The following SH3BGRL2 variants were observed in gnomAD, a reference collection of about 807,000 sequenced individuals.
SH3BGRL2 encodes SH3 domain-binding glutamic acid-rich-like protein 2.
Under a neutral mutation model 14.8 loss-of-function variants are expected in SH3BGRL2, and 21 were observed. The observed-to-expected ratio is 1.42, with a 90% CI of 1.01 to 2.05. The LOEUF is 2.05. SH3BGRL2 is among the 30% of genes most tolerant of loss of function. The pLI is 0.00. For synonymous variants in SH3BGRL2, 50 were observed against 47.8 expected (o/e 1.05, Z -0.19); for missense variants, 147 against 130.8 (o/e 1.12, Z -0.61).
chr6:79,675,400 T>C (rs1769860688), intron 2 of SH3BGRL2, among the ~76,000 whole-genome samples: 1 of 152,204 alleles, frequency 6.6e-6, no homozygotes, highest in African/African-American at 2.4e-5. Flanking sequence ...TAATCTCTTA[T>C]ATATACATTC....
At chr6:79,605,226 A>G in the SH3BGRL2 span, among the ~76,000 whole-genome samples, 1 of 152,216 alleles carries the variant, frequency 6.6e-6, no homozygotes, top group Non-Finnish European at 1.5e-5. Flanking sequence ...ACCACATGCT[A>G]TAAGATCAAT....
intron 1 of SH3BGRL2, among the ~76,000 whole-genome samples, chr6:79,635,794 A>T (rs1384562847): frequency 2.0e-5 from 3 of 152,226 alleles, no homozygotes; most frequent in Admixed American, 6.5e-5. Context: ...AGGGAAACAC[A>T]TGGAAACCAT....
At chr6:79,642,243 T>C (rs527390456) in intron 1 of SH3BGRL2, among the ~76,000 whole-genome samples, 2 of 152,310 alleles carry the variant, frequency 1.3e-5, no homozygotes, top group South Asian at 4.1e-4. Context: ...AATATAGTAT[T>C]ACAGCTATTT....
the SH3BGRL2 span, chr6:79,575,300 T>G: frequency 6.6e-6 from 1 of 152,216 alleles, no homozygotes; most frequent in African/African-American, 2.4e-5. Flanking sequence ...AAATCCTGGA[T>G]AGTCTTACTA....
At chr6:79,584,822 A>G in the SH3BGRL2 span, among the ~76,000 whole-genome samples, 1 of 152,172 alleles carries the variant, frequency 6.6e-6, no homozygotes, top group Non-Finnish European at 1.5e-5. Flanking sequence ...TGCTTTTAAG[A>G]TAGTTTAGCA....
the SH3BGRL2 span, among the ~76,000 whole-genome samples, chr6:79,539,715 C>T: frequency 8.5e-5 from 13 of 152,202 alleles, no homozygotes; most frequent in African/African-American, 2.4e-4. Context: ...AAACTAGTGT[C>T]GAGTTTGAAT....
rs1264262777 is a variant in SH3BGRL2 at position 79,696,384 on chromosome 6, T to C, written c.232-101T>C. On this transcript the variant is annotated intron_variant, in intron 2 of 3. Coordinates refer to ENST00000369838, the MANE Select transcript of SH3BGRL2 (RefSeq NM_031469.4). ...CTTTTCCCTGATCTGGACAGAGCAA[T>C]GGTACATTTTTTACTTCCATAAAGA... The C allele has an allele frequency of 3.7e-6, 3 of 800,464 alleles. No homozygotes were observed. The African/African-American group carries it at 5.4e-5, about 14-fold the overall frequency. 49.6% of individuals were successfully genotyped at this position (800,464 alleles called of 1,614,324 possible).
At chr6:79,597,321 AAAG>A in the SH3BGRL2 span, among the ~76,000 whole-genome samples, 2 of 149,092 alleles carry the variant, frequency 1.3e-5, no homozygotes, top group South Asian at 2.1e-4. Flanking sequence ...AAGAAAGAGA[AAAG>A]AAAAGAAAAG....
the SH3BGRL2 span, among the ~76,000 whole-genome samples, chr6:79,551,902 C>T: frequency 5.9e-5 from 9 of 152,060 alleles, no homozygotes; most frequent in Admixed American, 2.0e-4. Flanking sequence ...CCAGCCTGGC[C>T]AACATGGAGA....
the SH3BGRL2 span, among the ~76,000 whole-genome samples, chr6:79,565,719 C>T: frequency 5.3e-4 from 80 of 152,268 alleles, no homozygotes; most frequent in African/African-American, 1.7e-3. Context: ...CACACATTTA[C>T]GAATACCCTT....
chr6:79,650,350 A>G (rs753179044), intron 1 of SH3BGRL2, among the ~76,000 whole-genome samples: 1 of 152,140 alleles, frequency 6.6e-6, no homozygotes, highest in Non-Finnish European at 1.5e-5. Context: ...AGGAGGGAGG[A>G]AAGTACCGAT....
At chr6:79,669,527 T>C (rs559247882) in intron 1 of SH3BGRL2, among the ~76,000 whole-genome samples, 2 of 150,574 alleles carry the variant, frequency 1.3e-5, no homozygotes, top group African/African-American at 4.9e-5. Context: ...TGATCTCTGC[T>C]TACTGCAACC....
the SH3BGRL2 span, among the ~76,000 whole-genome samples, chr6:79,603,508 C>G: frequency 3.9e-4 from 59 of 152,222 alleles, no homozygotes; most frequent in Non-Finnish European, 7.9e-4. Context: ...TAATTTTTCT[C>G]AAATGTAGGA....
At chr6:79,650,218 CAGAA>C (rs2127726172) in intron 1 of SH3BGRL2, among the ~76,000 whole-genome samples, 1 of 152,184 alleles carries the variant, frequency 6.6e-6, no homozygotes, top group African/African-American at 2.4e-5. Flanking sequence ...GTAGAGATTT[CAGAA>C]AGATACAAAA....
the SH3BGRL2 span, among the ~76,000 whole-genome samples, chr6:79,592,878 T>G: frequency 2.0e-5 from 3 of 152,168 alleles, no homozygotes; most frequent in Admixed American, 2.0e-4. Flanking sequence ...CTGTAGCCAG[T>G]AAGTAGCAGA....
chr6:79,702,481 T>C lies in SH3BGRL2; in HGVS notation c.*2972T>C, dbSNP rs1770481574. On this transcript the variant is annotated 3_prime_UTR_variant, in exon 4 of 4. Transcript: ENST00000369838. ...GAAATCACATATTTTATATTCAGCA[T>C]AAAGGAGAATAAATTCCAGAAAACA... 1 of 152,588 alleles carries C rather than the reference T, an allele frequency of 6.6e-6. No homozygotes were observed. Among genetic ancestry groups the C allele is most frequent in the African/African-American group, 2.4e-5 (1 of 41,584 alleles). 9.5% of individuals were successfully genotyped at this position (152,588 alleles called of 1,614,324 possible). A position where few individuals can be genotyped will look rare whatever the true frequency, so the allele number is the denominator to read the frequency against.
chr6:79,620,871 A>G, the SH3BGRL2 span, among the ~76,000 whole-genome samples: 1 of 152,122 alleles, frequency 6.6e-6, no homozygotes, highest in Non-Finnish European at 1.5e-5. Flanking sequence ...TATCCAGGGA[A>G]TCTAAGGAAT....
chr6:79,559,089 G>A, the SH3BGRL2 span, among the ~76,000 whole-genome samples: 2 of 152,106 alleles, frequency 1.3e-5, no homozygotes, highest in African/African-American at 4.8e-5. Flanking sequence ...ATTCATTCCA[G>A]GTGTTCTCTG....
chr6:79,597,909 C>T, the SH3BGRL2 span, among the ~76,000 whole-genome samples: 3 of 152,198 alleles, frequency 2.0e-5, no homozygotes, highest in African/African-American at 7.2e-5. Context: ...TACTATTTGA[C>T]AATAAAGAGA....
Sources: allele counts gnomAD v4.1 joint callset (sites outside exome capture counted in the v4.1 genomes callset), GRCh38; gene constraint gnomAD v4.1.1; transcripts MANE v1.5; gene names NCBI Gene and HGNC (gene_info 2026-07-23, HGNC 2026-07-21).